ADAMTSL3: variants seen among roughly 807,000 people sequenced by gnomAD.
ADAMTSL3 encodes the protein ADAMTS like 3.
ADAMTSL3 carries 128 observed loss-of-function variants against 201.7 expected under a neutral mutation model. The observed-to-expected ratio is 0.63, with a 90% confidence interval of 0.55 to 0.73. The LOEUF (loss-of-function observed/expected upper bound fraction) is 0.73, where lower values mean the gene tolerates loss of function less well. Among genes scored for constraint, ADAMTSL3 ranks in the 30% least tolerant of loss-of-function variants. The pLI is 0.00. For missense variants in ADAMTSL3, 1,990 were observed against 2,119.6 expected (o/e 0.94, Z 1.20); for synonymous variants, 738 against 748.4 (o/e 0.99, Z 0.23).
At position 83,983,323 on chromosome 15, in the gene ADAMTSL3, C is replaced by T. The variant is rs779946977; in HGVS notation, c.3695C>T (p.Thr1232Ile). 1.3e-6 allele frequency: 2 copies of T among 1,539,384 alleles called. No individual in the cohort carries two copies. The highest frequency in any genetic ancestry group is 1.7e-6 in the Non-Finnish European group (2 of 1,144,794). Residue 1232 changes from threonine to isoleucine, a missense_variant, in exon 21 of 30, where the codon ACC becomes ATC. Coordinates refer to ENST00000286744, the MANE Select transcript of ADAMTSL3 (RefSeq NM_207517.3). ...EATYTWTKDG[T>I]LLQPSVKIIL... ...ACATATACATGGACCAAGGATGGAA[C>T]CTTGTTACAGCCCTCAGTAAAGTAA...
rs527717215 is a variant in ADAMTSL3, at chr15:83,676,171, G to A, written c.69+20341G>A. On this transcript the variant is annotated intron_variant, in intron 2 of 29. Transcript: ENST00000286744. ...CCCTCTGTTTTCCATTTTCTTGGGG[G>A]TAGGATTAGATTATTGATTTGAGAT... is the stretch of plus-strand genomic sequence containing the variant. Among the ~76,000 whole-genome samples, 3 of 151,266 alleles carry A rather than the reference G, an allele frequency of 2.0e-5. No homozygotes were observed. The South Asian group carries it at 6.3e-4, about 32-fold the overall frequency.
chr15:84,018,537 G>A (rs116290341), intron 25 of ADAMTSL3, among the ~76,000 whole-genome samples: 111 of 152,336 alleles, frequency 7.3e-4, no homozygotes, highest in African/African-American at 2.6e-3. Context: ...GGCCTTCTAA[G>A]AGGTTATATT....
intron 3 of ADAMTSL3, among the ~76,000 whole-genome samples, chr15:83,764,560 C>A (rs1286823822): frequency 2.0e-5 from 3 of 151,992 alleles, no homozygotes; most frequent in Non-Finnish European, 4.4e-5. Flanking sequence ...TTGTGGGTTG[C>A]TGTGGGCTCT....
At chr15:84,020,595 C>T (rs1435739776) in intron 25 of ADAMTSL3, among the ~76,000 whole-genome samples, 1 of 152,210 alleles carries the variant, frequency 6.6e-6, no homozygotes, top group Non-Finnish European at 1.5e-5. Flanking sequence ...AGAAATCACT[C>T]TGCTATGTGA....
chr15:83,685,115 T>C (rs1160575606), intron 2 of ADAMTSL3, among the ~76,000 whole-genome samples: 1 of 152,198 alleles, frequency 6.6e-6, no homozygotes, highest in Non-Finnish European at 1.5e-5. Flanking sequence ...TCTTTTCATG[T>C]TTACTGGCGT....
At chr15:83,662,861 T>G (rs1031105879) in intron 2 of ADAMTSL3, among the ~76,000 whole-genome samples, 4 of 152,198 alleles carry the variant, frequency 2.6e-5, no homozygotes, top group Non-Finnish European at 5.9e-5. Context: ...AGCTCTTTAC[T>G]CAACTGGATA....
At position 83,876,264 on chromosome 15, in the gene ADAMTSL3, C is replaced by A. The variant is rs139096853; in HGVS notation, c.960+5305C>A. ...TAATTGTTGTTTTGTTCAGACCATC[C>A]AAACATTGTCTCTGAGACATCTAAC... On this transcript the variant is annotated intron_variant, in intron 9 of 29. Transcript: ENST00000286744. Among the ~76,000 whole-genome samples the A allele has an allele frequency of 3.9e-4, 60 of 152,162 alleles. No homozygotes were observed. The East Asian group carries it at 0.011, about 27-fold the overall frequency.
At position 83,970,524 on chromosome 15, in the gene ADAMTSL3, AG is replaced by A; in HGVS notation, c.2533del (p.Val845CysfsTer17). 1 of 1,614,186 alleles carries A rather than the reference AG, an allele frequency of 6.2e-7. No individual in the cohort carries two copies. The highest frequency in any genetic ancestry group is 8.5e-7 in the Non-Finnish European group (1 of 1,180,038). ...SCGVGIQRRK[Q>X]VCQRLAAKGR... is the part of the protein sequence containing the mutation. Reference sequence around the variant, plus strand: ...GGTGTTGGAATCCAGAGAAGAAAGCAGGTGTGTCAAAGGCTGGCAGCCAAAG... The same window carrying A: ...GGTGTTGGAATCCAGAGAAGAAAGCAGTGTGTCAAAGGCTGGCAGCCAAAG... On this transcript the variant is annotated frameshift_variant, in exon 20 of 30. Coordinates refer to ENST00000286744, the MANE Select transcript of ADAMTSL3 (RefSeq NM_207517.3). LOFTEE classifies it high-confidence loss of function.
intron 3 of ADAMTSL3, among the ~76,000 whole-genome samples, chr15:83,752,294 G>C (rs917832347): frequency 1.1e-4 from 16 of 151,770 alleles, no homozygotes; most frequent in African/African-American, 3.9e-4. Context: ...TTGATACTTT[G>C]CTGTAATAGA....
At chr15:83,912,778 G>A (rs2065955884) in intron 15 of ADAMTSL3, among the ~76,000 whole-genome samples, 1 of 152,122 alleles carries the variant, frequency 6.6e-6, no homozygotes, top group Admixed American at 6.6e-5. Flanking sequence ...ATCTCCATAT[G>A]ATGGTTTATT....
Position 84,016,366 on chromosome 15 carries a change from C to CTTTTTTTT in ADAMTSL3, c.4157-14_4157-7dup. ...TAATGTCTAACTGGTAAAAGTGCTA[C>CTTTTTTTT]TTTTTTTTTTCCTCAGAACGAAGAT... On this transcript the variant is annotated splice_polypyrimidine_tract_variant and intron_variant, in intron 24 of 29. Coordinates refer to ENST00000286744, the MANE Select transcript of ADAMTSL3 (RefSeq NM_207517.3). 1 of 1,433,294 alleles carries CTTTTTTTT rather than the reference C, an allele frequency of 7.0e-7. No homozygotes were observed. Among genetic ancestry groups the CTTTTTTTT allele is most frequent in the Admixed American group, 1.8e-5 (1 of 55,026 alleles). 88.8% of individuals were successfully genotyped at this position (1,433,294 alleles called of 1,614,324 possible).
intron 7 of ADAMTSL3, among the ~76,000 whole-genome samples, chr15:83,857,141 C>A (rs1019029659): frequency 2.6e-5 from 4 of 152,024 alleles, no homozygotes; most frequent in African/African-American, 9.7e-5. Flanking sequence ...AATCCAAGTC[C>A]TTTTGTCCTT....
At chr15:83,773,673 C>T (rs2063024220) in intron 4 of ADAMTSL3, 23 bp downstream of exon 4, 1 of 1,600,342 alleles carries the variant, frequency 6.2e-7, no homozygotes, top group African/African-American at 1.3e-5. Context: ...TTCACTTGCT[C>T]CTGCATGTGG....
chr15:83,942,623 C>T lies in ADAMTSL3; in HGVS notation c.2145C>T (p.Cys715=). ...PRWHVGSWGP[C]SATCGVGIQT... The stretch of plus-strand genomic sequence containing the variant: ...GGCATGTGGGCTCTTGGGGGCCCTG[C>T]TCAGCTACCTGTGGAGTTGGAATTC... Residue 715 remains cysteine, a synonymous_variant, in exon 18 of 30, where the codon TGC becomes TGT. Coordinates refer to ENST00000286744, the MANE Select transcript of ADAMTSL3 (RefSeq NM_207517.3). 6.2e-7 allele frequency: 1 copy of T among 1,613,782 alleles called. No homozygotes were observed. The highest frequency in any genetic ancestry group is 1.7e-4 in the Middle Eastern group (1 of 5,954).
intron 3 of ADAMTSL3, among the ~76,000 whole-genome samples, chr15:83,728,142 T>C (rs910237807): frequency 2.0e-5 from 3 of 152,026 alleles, no homozygotes; most frequent in Non-Finnish European, 2.9e-5. Context: ...TTTCTAGGTT[T>C]TGTCTTGAAA....
chr15:83,952,556 C>T (rs913161684), intron 19 of ADAMTSL3, among the ~76,000 whole-genome samples: 5 of 152,142 alleles, frequency 3.3e-5, no homozygotes, highest in African/African-American at 1.2e-4. Flanking sequence ...CTCAAGCTAT[C>T]ATTGTATTGA....
intron 7 of ADAMTSL3, among the ~76,000 whole-genome samples, chr15:83,853,164 C>T (rs1338775215): frequency 6.6e-6 from 1 of 152,146 alleles, no homozygotes; most frequent in Non-Finnish European, 1.5e-5. Context: ...CGGTTGTGCC[C>T]ATTTTTTAAA....
At chr15:83,756,875 A>T (rs957734637) in intron 3 of ADAMTSL3, among the ~76,000 whole-genome samples, 1 of 152,204 alleles carries the variant, frequency 6.6e-6, no homozygotes, top group Non-Finnish European at 1.5e-5. Flanking sequence ...TACAAGTCTG[A>T]AATCCAGTGG....
intron 5 of ADAMTSL3, among the ~76,000 whole-genome samples, chr15:83,805,293 C>T (rs1438089182): frequency 1.3e-5 from 2 of 152,200 alleles, no homozygotes; most frequent in Non-Finnish European, 2.9e-5. Context: ...CGCATTGGCT[C>T]ATGCCTGTAA....
Sources: allele counts gnomAD v4.1 joint callset (sites outside exome capture counted in the v4.1 genomes callset), GRCh38; gene constraint gnomAD v4.1.1; transcripts MANE v1.5; gene names NCBI Gene and HGNC (gene_info 2026-07-23, HGNC 2026-07-21).